Variants in IL1RAPL1 observed in about 807,000 individuals in gnomAD.
IL1RAPL1 encodes interleukin-1 receptor accessory protein-like 1.
A neutral mutation model predicts 48.4 loss-of-function variants in IL1RAPL1; 3 were observed. That is an observed-to-expected ratio of 0.06 (90% CI 0.03 to 0.16). The LOEUF is 0.16. Among genes scored for constraint, IL1RAPL1 ranks in the 10% least tolerant of loss-of-function variants. IL1RAPL1 has a pLI of 1.00. For missense variants in IL1RAPL1, 349 were observed against 530.6 expected, an observed-to-expected ratio of 0.66 and a Z score of 3.36; for synonymous variants, 185 against 187.7, an observed-to-expected ratio of 0.99 and a Z score of 0.12.
At chrX:28,679,639 G>A (rs748960561) in intron 1 of IL1RAPL1, among the ~76,000 whole-genome samples, 99 of 111,494 alleles carry the variant, frequency 8.9e-4, no homozygotes, top group Non-Finnish European at 1.5e-3. Flanking sequence ...TTTGAATGTG[G>A]TGTGAAATAA....
At chrX:29,348,367 A>T (rs890424772) in intron 3 of IL1RAPL1, among the ~76,000 whole-genome samples, 1 of 112,225 alleles carries the variant, frequency 8.9e-6, no homozygotes, top group East Asian at 2.8e-4. Flanking sequence ...GCAGAAATAG[A>T]GGATGTTGCA....
chrX:28,893,032 C>G (rs1411963783), intron 2 of IL1RAPL1, among the ~76,000 whole-genome samples: 1 of 110,773 alleles, frequency 9.0e-6, no homozygotes. Context: ...GCTGTGATGT[C>G]TTGGAGAAGC....
chrX:29,393,134 T>G (rs1933874513), intron 3 of IL1RAPL1, among the ~76,000 whole-genome samples: 1 of 103,747 alleles, frequency 9.6e-6, no homozygotes, highest in East Asian at 2.9e-4. Context: ...TCCCTAGTTT[T>G]CTGTTTTTTG....
intron 2 of IL1RAPL1, among the ~76,000 whole-genome samples, chrX:29,165,392 A>G (rs949917678): frequency 8.9e-6 from 1 of 112,401 alleles, no homozygotes; most frequent in Non-Finnish European, 1.9e-5. Flanking sequence ...TTCTGCTAAA[A>G]AAGTGTCATA....
intron 6 of IL1RAPL1, among the ~76,000 whole-genome samples, chrX:29,880,674 A>G (rs190539534): frequency 3.2e-3 from 349 of 110,224 alleles, no homozygotes; most frequent in Non-Finnish European, 5.6e-3. Context: ...TTCAATCAAC[A>G]TTTTTTTTTC....
intron 2 of IL1RAPL1, among the ~76,000 whole-genome samples, chrX:29,040,279 G>A (rs1331762168): frequency 1.8e-5 from 2 of 112,204 alleles, no homozygotes; most frequent in African/African-American, 6.5e-5. Context: ...TCAGTGAATG[G>A]GTGACAGGCA....
chrX:29,722,056 G>A (rs936047522), intron 6 of IL1RAPL1, among the ~76,000 whole-genome samples: 2 of 111,199 alleles, frequency 1.8e-5, no homozygotes, highest in African/African-American at 6.5e-5. Context: ...CTATTGGTAT[G>A]CACCTTCTTT....
At position 29,592,298 on chromosome X, in the gene IL1RAPL1, CA is replaced by C. The variant is rs1436459427; in HGVS notation, c.704-76130del. On this transcript the variant is annotated intron_variant, in intron 5 of 10. Coordinates refer to ENST00000378993, the MANE Select transcript of IL1RAPL1 (RefSeq NM_014271.4). ...TGAATGAGATTGATAATTGTGTTTG[CA>C]ATAAGATATATTCATAAATTCCATT... Among the ~76,000 whole-genome samples, 7 of 111,178 alleles carry C rather than the reference CA, an allele frequency of 6.3e-5. No individual in the cohort carries two copies. In the East Asian group the frequency reaches 2.0e-3, roughly 31 times the overall value.
chrX:29,168,928 TGTA>T (rs1393821508), intron 2 of IL1RAPL1, among the ~76,000 whole-genome samples: 18 of 84,788 alleles, frequency 2.1e-4, no homozygotes, highest in African/African-American at 7.4e-4. Context: ...TATGTACAAT[TGTA>T]TATATATATT....
chrX:29,188,886 A>G, intron 2 of IL1RAPL1, among the ~76,000 whole-genome samples: 1 of 111,371 alleles, frequency 9.0e-6, no homozygotes, highest in Non-Finnish European at 1.9e-5. Context: ...CCCGCCCACT[A>G]TTTTAATCAG....
chrX:29,830,443 C>A (rs145091710), intron 6 of IL1RAPL1, among the ~76,000 whole-genome samples: 3,043 of 107,566 alleles, frequency 0.028, 102 homozygotes, highest in African/African-American at 0.095. Context: ...TTTACCAATT[C>A]TGACTCTTTT....
At chrX:28,974,389 AAACTT>A (rs1925155540) in intron 2 of IL1RAPL1, among the ~76,000 whole-genome samples, 1 of 112,141 alleles carries the variant, frequency 8.9e-6, no homozygotes, top group East Asian at 2.8e-4. Flanking sequence ...GCCAAATAAA[AAACTT>A]AAGGAAAATA....
intron 6 of IL1RAPL1, among the ~76,000 whole-genome samples, chrX:29,846,796 G>GTATATATGTATA (rs780052241): frequency 2.8e-5 from 1 of 35,250 alleles, no homozygotes; most frequent in Non-Finnish European, 5.1e-5. Context: ...GTATATATAT[G>GTATATATGTATA]TATATACACA....
intron 5 of IL1RAPL1, among the ~76,000 whole-genome samples, chrX:29,503,561 C>A (rs192747235): frequency 0.013 from 1,418 of 112,155 alleles, 16 homozygotes; most frequent in African/African-American, 0.044. Context: ...TATTTTCAAT[C>A]ATTTCAAGAA....
intron 6 of IL1RAPL1, among the ~76,000 whole-genome samples, chrX:29,912,066 T>G (rs1248725989): frequency 8.9e-6 from 1 of 112,166 alleles, no homozygotes; most frequent in African/African-American, 3.2e-5. Flanking sequence ...ATTATTTTTG[T>G]TTTTAATTTT....
At chrX:28,977,749 G>A (rs1235813317) in intron 2 of IL1RAPL1, among the ~76,000 whole-genome samples, 4 of 112,346 alleles carry the variant, frequency 3.6e-5, no homozygotes, top group Middle Eastern at 4.6e-3. Context: ...ACAAGGTCAG[G>A]AGTTCAAGGC....
At chrX:28,638,786 C>T (rs181220897) in intron 1 of IL1RAPL1, among the ~76,000 whole-genome samples, 4 of 110,505 alleles carry the variant, frequency 3.6e-5, no homozygotes, top group Non-Finnish European at 7.6e-5. Context: ...TCTATGTGGT[C>T]GTAAATGAAT....
chrX:29,821,617 C>A (rs1930621932), intron 6 of IL1RAPL1, among the ~76,000 whole-genome samples: 2 of 111,816 alleles, frequency 1.8e-5, no homozygotes, highest in African/African-American at 6.5e-5. Context: ...TGTCATTATC[C>A]TGGGATTTAA....
chrX:29,221,620 TACACACACACACACACAC>T (rs35088625), intron 2 of IL1RAPL1, among the ~76,000 whole-genome samples: 1,427 of 79,546 alleles, frequency 0.018, 25 homozygotes, highest in African/African-American at 0.055. Flanking sequence ...TACACACACA[TACACACACACACACACAC>T]ACACACACAC....
Sources: gnomAD v4.1 joint callset for allele counts (sites outside exome capture counted in the v4.1 genomes callset) on GRCh38, gnomAD v4.1.1 for gene constraint, MANE v1.5 for transcripts, NCBI Gene and HGNC (gene_info 2026-07-23, HGNC 2026-07-21) for gene names.